Variants in TGFBR3 observed in about 807,000 individuals in gnomAD.
TGFBR3 encodes transforming growth factor beta receptor type 3.
A neutral mutation model predicts 87.9 loss-of-function variants in TGFBR3; 46 were observed. The observed-to-expected ratio is 0.52, with a 90% CI of 0.41 to 0.67. The LOEUF (loss-of-function observed/expected upper bound fraction) is 0.67, where lower values mean the gene tolerates loss of function less well. Ranked by LOEUF, TGFBR3 falls within the 30% of genes least tolerant of loss-of-function variation. The pLI is 0.00. For missense variants in TGFBR3, 866 were observed against 1,041.9 expected, an observed-to-expected ratio of 0.83 and a Z score of 2.32; for synonymous variants, 381 against 391.6, an observed-to-expected ratio of 0.97 and a Z score of 0.32.
intron 2 of TGFBR3, among the ~76,000 whole-genome samples, chr1:91,835,960 A>C (rs1677046466): frequency 6.6e-6 from 1 of 151,746 alleles, no homozygotes; most frequent in East Asian, 2.0e-4. Context: ...AATGAGATAA[A>C]AATTCAGATG....
intron 7 of TGFBR3, among the ~76,000 whole-genome samples, chr1:91,727,173 G>A (rs558785440): frequency 3.3e-5 from 5 of 152,166 alleles, no homozygotes; most frequent in South Asian, 2.1e-4. Context: ...CCAATATTTC[G>A]TATTTAACTC....
chr1:91,874,828 CTTAGGTT>C (rs1678720949), intron 1 of TGFBR3, among the ~76,000 whole-genome samples: 1 of 152,108 alleles, frequency 6.6e-6, no homozygotes, highest in Non-Finnish European at 1.5e-5. Flanking sequence ...AGGAATCTGA[CTTAGGTT>C]TTATCACAAT....
rs141955926 is a variant in TGFBR3, at chr1:91,861,418, A to C, written c.61+53T>G. The C allele has an allele frequency of 5.2e-4, 730 of 1,402,420 alleles. 13 individuals carry two copies. In the East Asian group the frequency reaches 0.017, roughly 32 times the overall value. The allele number at this position is 1,402,420 out of a possible 1,614,324, so 86.9% of individuals were successfully genotyped here. On this transcript the variant is annotated intron_variant, in intron 2 of 16. Transcript: ENST00000212355. ...TCATCTCAACTAAAGAGACTGGGAC[A>C]AAATATATCCAAAAATATATAACAA...
Position 91,719,391 on chromosome 1 carries a change from A to C in TGFBR3, c.1487T>G (p.Phe496Cys). The change falls in exon 10 of 17, where the codon TTT (phenylalanine) becomes TGT (cysteine). Residue 496 changes from phenylalanine (F) to cysteine (C), a missense_variant. Coordinates refer to ENST00000212355, the MANE Select transcript of TGFBR3 (RefSeq NM_003243.5). Reference protein sequence around the residue: ...TCKAKMNGTHFVLESPLNGCG... With the variant: ...TCKAKMNGTHCVLESPLNGCG... Reference sequence around the variant, plus strand: ...GCCATTCAGAGGAGACTCCAAAACAAAGTGTGTGCCATTCATCTTGGCCTT... The same window carrying C: ...GCCATTCAGAGGAGACTCCAAAACACAGTGTGTGCCATTCATCTTGGCCTT... 2 of 1,614,130 alleles carry C rather than the reference A, an allele frequency of 1.2e-6. No individual in the cohort carries two copies. Among genetic ancestry groups the C allele is most frequent in the Non-Finnish European group, 1.7e-6 (2 of 1,180,022 alleles).
In TGFBR3 at chr1:91,682,193, CCTA is replaced by C. The variant is rs1228966971; in HGVS notation, c.*1543_*1545del. 6.6e-6 allele frequency: 3 copies of C among 453,906 alleles called. No individual in the cohort carries two copies. The highest frequency in any genetic ancestry group is 1.3e-5 in the Non-Finnish European group (3 of 226,776). The allele number at this position is 453,906 out of a possible 1,614,324, so 28.1% of individuals were successfully genotyped here. A position where few individuals can be genotyped will look rare whatever the true frequency, so the allele number is the denominator to read the frequency against. On this transcript the variant is annotated 3_prime_UTR_variant, in exon 17 of 17. Transcript: ENST00000212355. The stretch of plus-strand genomic sequence containing the variant: ...AAGGTTTTAAGCTTCATCAGGATTA[CCTA>C]CTGAGGTTCCATTCACAGACAACCA...
chr1:91,810,640 A>G (rs1239424351), intron 2 of TGFBR3, among the ~76,000 whole-genome samples: 2 of 152,152 alleles, frequency 1.3e-5, no homozygotes, highest in African/African-American at 4.8e-5. Flanking sequence ...CAAACTCCCA[A>G]GCTGCTAATT....
chr1:91,896,141 T>C (rs1388691658), intron 2 of TGFBR3, among the ~76,000 whole-genome samples: 2 of 152,152 alleles, frequency 1.3e-5, no homozygotes, highest in Non-Finnish European at 2.9e-5. Context: ...ACCTGATCCT[T>C]CCTTAAAGCA....
chr1:91,847,644 G>A, intron 2 of TGFBR3, among the ~76,000 whole-genome samples: 1 of 151,706 alleles, frequency 6.6e-6, no homozygotes, highest in East Asian at 1.9e-4. Flanking sequence ...GAAGTCAATG[G>A]GGAAACCTGA....
intron 16 of TGFBR3, among the ~76,000 whole-genome samples, chr1:91,686,109 T>C (rs948372394): frequency 2.0e-5 from 3 of 152,200 alleles, no homozygotes; most frequent in African/African-American, 7.2e-5. Context: ...CATCAAGCAA[T>C]AGGGAGCAAG....
At chr1:91,811,777 CT>C (rs1220929396) in intron 2 of TGFBR3, among the ~76,000 whole-genome samples, 6 of 152,122 alleles carry the variant, frequency 3.9e-5, no homozygotes, top group Non-Finnish European at 7.3e-5. Context: ...ATCTATTGAG[CT>C]TGCTCAAGAC....
chr1:91,845,910 G>C (rs1197728834), intron 2 of TGFBR3, among the ~76,000 whole-genome samples: 1 of 152,122 alleles, frequency 6.6e-6, no homozygotes, highest in African/African-American at 2.4e-5. Flanking sequence ...CTACAAACTA[G>C]AGTTCCTTTT....
intron 2 of TGFBR3, among the ~76,000 whole-genome samples, chr1:91,847,748 A>G (rs753076503): frequency 4.7e-4 from 72 of 152,178 alleles, no homozygotes; most frequent in Middle Eastern, 3.4e-3. Context: ...TAACCCACCT[A>G]AAGTCCCCCT....
At chr1:91,745,013 C>T (rs376359307) in intron 4 of TGFBR3, among the ~76,000 whole-genome samples, 6 of 4,494 alleles carry the variant, frequency 1.3e-3, no homozygotes, top group Non-Finnish European at 3.4e-3. Flanking sequence ...CTCAAACGCA[C>T]GCGTACACAC....
intron 4 of TGFBR3, among the ~76,000 whole-genome samples, chr1:91,748,390 C>A (rs1021465477): frequency 1.3e-5 from 2 of 152,190 alleles, no homozygotes; most frequent in Non-Finnish European, 2.9e-5. Context: ...GGAGCTGATC[C>A]AGAAACGCTC....
At chr1:91,897,484 G>A (rs1679577036) in intron 2 of TGFBR3, among the ~76,000 whole-genome samples, 1 of 152,126 alleles carries the variant, frequency 6.6e-6, no homozygotes, top group Non-Finnish European at 1.5e-5. Context: ...GTATATATTG[G>A]TTCATTAAGC....
intron 13 of TGFBR3, 122 bp from the exon 14 acceptor site, chr1:91,708,905 A>T: frequency 7.2e-7 from 1 of 1,391,994 alleles, no homozygotes; most frequent in Non-Finnish European, 9.9e-7. Flanking sequence ...ACTACAGAAA[A>T]GCAAGAAGGT....
At chr1:91,798,779 T>C (rs1445488902) in intron 2 of TGFBR3, among the ~76,000 whole-genome samples, 4 of 152,110 alleles carry the variant, frequency 2.6e-5, no homozygotes, top group Admixed American at 6.6e-5. Context: ...TATAAATGAA[T>C]CATTGAGCTT....
At chr1:91,795,621 TC>T (rs1487601031) in intron 3 of TGFBR3, among the ~76,000 whole-genome samples, 2 of 152,252 alleles carry the variant, frequency 1.3e-5, no homozygotes, top group Non-Finnish European at 2.9e-5. Flanking sequence ...GACTTTCTTT[TC>T]CCTCTGAGTT....
intron 15 of TGFBR3, among the ~76,000 whole-genome samples, chr1:91,697,383 C>T (rs1377041395): frequency 6.6e-6 from 1 of 152,120 alleles, no homozygotes; most frequent in Non-Finnish European, 1.5e-5. Flanking sequence ...TCCTGGGAAT[C>T]TTAGGAAAGG....
Sources: gnomAD v4.1 joint callset for allele counts (sites outside exome capture counted in the v4.1 genomes callset) on GRCh38, gnomAD v4.1.1 for gene constraint, MANE v1.5 for transcripts, NCBI Gene and HGNC (gene_info 2026-07-23, HGNC 2026-07-21) for gene names.